The following SLC24A2 variants were observed in gnomAD, a reference collection of about 807,000 sequenced individuals.
SLC24A2 encodes the protein solute carrier family 24 member 2.
A neutral mutation model predicts 62.0 loss-of-function variants in SLC24A2; 36 were observed. The observed-to-expected ratio is 0.58, with a 90% CI of 0.44 to 0.77. SLC24A2 has a LOEUF of 0.77. Among genes scored for constraint, SLC24A2 ranks in the 30% least tolerant of loss-of-function variants. The probability of loss-of-function intolerance (pLI) is 0.00; values close to 1 mark genes in which losing one functional copy is unlikely to be tolerated. For synonymous variants in SLC24A2, 358 were observed against 294.0 expected, an observed-to-expected ratio of 1.22 and a Z score of -2.23; for missense variants, 846 against 817.9, an observed-to-expected ratio of 1.03 and a Z score of -0.42.
rs2132609321 is a variant in SLC24A2, at chr9:19,512,697, G to C, written c.*3456C>G. 1 of 152,288 alleles carries C rather than the reference G, an allele frequency of 6.6e-6. No homozygotes were observed. The highest frequency in any genetic ancestry group is 1.9e-4 in the East Asian group (1 of 5,182). 9.4% of individuals were successfully genotyped at this position (152,288 alleles called of 1,614,324 possible). On this transcript the variant is annotated 3_prime_UTR_variant, in exon 11 of 11. Coordinates refer to ENST00000341998, the MANE Select transcript of SLC24A2 (RefSeq NM_020344.4). ...ACAGCAAGCAAGACCTGCTCGGTTT[G>C]CTGTGAATAAATGAAATCATTTGCG...
the SLC24A2 span, among the ~76,000 whole-genome samples, chr9:20,273,157 T>A: frequency 1.3e-5 from 2 of 152,202 alleles, no homozygotes; most frequent in Non-Finnish European, 2.9e-5. Flanking sequence ...CAGGACACAC[T>A]GCCCCCAAAA....
At chr9:19,549,864 T>A (rs570718728) in intron 8 of SLC24A2, among the ~76,000 whole-genome samples, 6 of 152,180 alleles carry the variant, frequency 3.9e-5, no homozygotes, top group Non-Finnish European at 7.3e-5. Context: ...AGTTTTGGGG[T>A]AGTTTGTTAT....
chr9:19,836,906 A>C, the SLC24A2 span, among the ~76,000 whole-genome samples: 2 of 152,212 alleles, frequency 1.3e-5, no homozygotes, highest in African/African-American at 2.4e-5. Context: ...CATCCATGGG[A>C]TGCAAGCCTG....
intron 2 of SLC24A2, among the ~76,000 whole-genome samples, chr9:19,741,021 T>C (rs1821660642): frequency 1.3e-5 from 2 of 152,158 alleles, no homozygotes; most frequent in East Asian, 1.9e-4. Context: ...TGGAATGTCA[T>C]TTGAGGGCAA....
chr9:19,666,434 G>A (rs1161741102), intron 2 of SLC24A2, among the ~76,000 whole-genome samples: 1 of 152,140 alleles, frequency 6.6e-6, no homozygotes, highest in Admixed American at 6.6e-5. Flanking sequence ...AAATAAAGTA[G>A]AGAGGATCTT....
chr9:20,211,776 T>C, the SLC24A2 span, among the ~76,000 whole-genome samples: 1 of 152,172 alleles, frequency 6.6e-6, no homozygotes, highest in African/African-American at 2.4e-5. Flanking sequence ...TAAAAAATTA[T>C]AAGGCTATTA....
chr9:19,700,333 G>T (rs1031902801), intron 2 of SLC24A2, among the ~76,000 whole-genome samples: 39 of 151,980 alleles, frequency 2.6e-4, no homozygotes, highest in African/African-American at 9.4e-4. Context: ...TCCTTTCTTA[G>T]GCTCTGTCTT....
the SLC24A2 span, among the ~76,000 whole-genome samples, chr9:20,306,481 T>C: frequency 6.6e-6 from 1 of 152,214 alleles, no homozygotes; most frequent in East Asian, 1.9e-4. Flanking sequence ...CAAAGGCTTC[T>C]GCAAACCTGT....
intron 2 of SLC24A2, among the ~76,000 whole-genome samples, chr9:19,654,625 T>C (rs1050054443): frequency 6.6e-6 from 1 of 152,184 alleles, no homozygotes; most frequent in Non-Finnish European, 1.5e-5. Flanking sequence ...CCGGCAGGTC[T>C]GGGAATCTTG....
the SLC24A2 span, among the ~76,000 whole-genome samples, chr9:20,116,204 A>T: frequency 6.6e-6 from 1 of 152,140 alleles, no homozygotes; most frequent in African/African-American, 2.4e-5. Context: ...GTCTGTTCAA[A>T]CAGCTCTCAC....
the SLC24A2 span, among the ~76,000 whole-genome samples, chr9:20,148,200 G>A: frequency 2.0e-5 from 3 of 151,946 alleles, no homozygotes; most frequent in African/African-American, 4.8e-5. Flanking sequence ...AATTTTTAAT[G>A]AGATATGTAA....
the SLC24A2 span, among the ~76,000 whole-genome samples, chr9:20,002,242 T>G: frequency 6.6e-6 from 1 of 152,244 alleles, no homozygotes; most frequent in South Asian, 2.1e-4. Context: ...CTACGTAGGC[T>G]GTTGAGCCAG....
intron 7 of SLC24A2, among the ~76,000 whole-genome samples, chr9:19,566,497 C>A (rs1340568903): frequency 6.6e-6 from 1 of 151,212 alleles, no homozygotes; most frequent in African/African-American, 2.4e-5. Context: ...AATAGGAACA[C>A]TTTTACACTG....
intron 2 of SLC24A2, among the ~76,000 whole-genome samples, chr9:19,692,449 C>T (rs1427649438): frequency 2.6e-5 from 4 of 152,194 alleles, no homozygotes; most frequent in South Asian, 4.1e-4. Flanking sequence ...TACCATACGA[C>T]AAAATTGAAG....
At chr9:20,077,285 G>C in the SLC24A2 span, among the ~76,000 whole-genome samples, 3 of 151,938 alleles carry the variant, frequency 2.0e-5, no homozygotes, top group African/African-American at 4.8e-5. Flanking sequence ...ATAGATTTCA[G>C]CTGCTCTTGC....
chr9:20,281,752 A>T, the SLC24A2 span, among the ~76,000 whole-genome samples: 1 of 152,210 alleles, frequency 6.6e-6, no homozygotes, highest in African/African-American at 2.4e-5. Context: ...GTCAATTTTT[A>T]GCTATTACAA....
At chr9:20,292,628 T>C in the SLC24A2 span, among the ~76,000 whole-genome samples, 1 of 152,160 alleles carries the variant, frequency 6.6e-6, no homozygotes, top group Non-Finnish European at 1.5e-5. Flanking sequence ...GTTTTTGGGA[T>C]AGTATCTCGT....
chr9:19,667,172 G>C (rs544873102), intron 2 of SLC24A2, among the ~76,000 whole-genome samples: 3 of 152,078 alleles, frequency 2.0e-5, no homozygotes, highest in Admixed American at 2.0e-4. Context: ...GGATCATAAC[G>C]AAAGAAAGAA....
chr9:19,571,129 C>A (rs1835825441), intron 7 of SLC24A2, among the ~76,000 whole-genome samples: 1 of 152,130 alleles, frequency 6.6e-6, no homozygotes, highest in South Asian at 2.1e-4. Flanking sequence ...ACTGTGCCAT[C>A]CCCAAGGGCA....
Sources: allele counts gnomAD v4.1 joint callset (sites outside exome capture counted in the v4.1 genomes callset), GRCh38; gene constraint gnomAD v4.1.1; transcripts MANE v1.5; gene names NCBI Gene and HGNC (gene_info 2026-07-23, HGNC 2026-07-21).